The following PHF21B variants were observed in gnomAD, a reference collection of about 807,000 sequenced individuals.
PHF21B encodes the protein PHD finger protein 21B.
A neutral mutation model predicts 62.2 loss-of-function variants in PHF21B; 22 were observed. The observed-to-expected ratio is 0.35, with a 90% CI of 0.25 to 0.51. The LOEUF (loss-of-function observed/expected upper bound fraction) is 0.51. Among genes scored for constraint, PHF21B ranks in the 20% least tolerant of loss-of-function variants. The pLI is 0.97. For synonymous variants in PHF21B, 341 were observed against 314.7 expected (o/e 1.08, Z -0.88); for missense variants, 701 against 707.9 (o/e 0.99, Z 0.11).
chr22:44,932,476 G>T (rs1287120755), intron 2 of PHF21B, among the ~76,000 whole-genome samples: 2 of 152,328 alleles, frequency 1.3e-5, no homozygotes, highest in East Asian at 3.9e-4. Context: ...CACAGTAGCA[G>T]CAAAATCCAA....
chr22:44,904,652 C>T (rs1315606367), intron 5 of PHF21B, among the ~76,000 whole-genome samples: 2 of 134,152 alleles, frequency 1.5e-5, no homozygotes, highest in Non-Finnish European at 1.6e-5. Context: ...GTGTTAGTGT[C>T]GTCAGAGGCA....
At chr22:44,932,910 T>C (rs1354637861) in intron 2 of PHF21B, among the ~76,000 whole-genome samples, 1 of 152,226 alleles carries the variant, frequency 6.6e-6, no homozygotes, top group African/African-American at 2.4e-5. Flanking sequence ...TTGACAAACA[T>C]CTACACCCAA....
At chr22:44,902,689 TA>T (rs1367093916) in intron 5 of PHF21B, among the ~76,000 whole-genome samples, 1 of 152,230 alleles carries the variant, frequency 6.6e-6, no homozygotes, top group Non-Finnish European at 1.5e-5. Context: ...TTTAGCCATG[TA>T]GTTTCCTTCT....
chr22:45,009,362 C>T lies in PHF21B; in HGVS notation c.54+134G>A. On this transcript the variant is annotated intron_variant, in intron 1 of 12. Transcript: ENST00000313237. The surrounding 1 kb of genome is among the most constrained non-coding windows in gnomAD (Gnocchi z 5.9). ...GGGTCCGCGCGTGTGCTCACTCCCT[C>T]GCCCCCCGCCCCCGGGCAGGCTCCA... The T allele has an allele frequency of 2.2e-6, 2 of 924,394 alleles. No homozygotes were observed. Among genetic ancestry groups the T allele is most frequent in the Non-Finnish European group, 1.6e-6 (1 of 642,248 alleles). 57.3% of individuals were successfully genotyped at this position (924,394 alleles called of 1,614,324 possible).
chr22:44,947,051 T>C (rs895092445), intron 2 of PHF21B, among the ~76,000 whole-genome samples: 11 of 138,102 alleles, frequency 8.0e-5, no homozygotes, highest in Admixed American at 4.8e-4. Context: ...ATTCATCCCC[T>C]GTTAAACGTG....
At chr22:44,910,505 TG>T (rs2071326145) in intron 5 of PHF21B, among the ~76,000 whole-genome samples, 1 of 152,142 alleles carries the variant, frequency 6.6e-6, no homozygotes, top group Non-Finnish European at 1.5e-5. Context: ...AATTGAATCA[TG>T]GGGCGGGTCT....
At chr22:44,997,297 C>CT (rs749205473) in intron 2 of PHF21B, among the ~76,000 whole-genome samples, 2 of 152,164 alleles carry the variant, frequency 1.3e-5, no homozygotes, top group African/African-American at 2.4e-5. Flanking sequence ...CCACTTCTGC[C>CT]ACTTCCCATG....
chr22:44,974,899 C>T (rs1431183337), intron 2 of PHF21B, among the ~76,000 whole-genome samples: 1 of 152,140 alleles, frequency 6.6e-6, no homozygotes, highest in Non-Finnish European at 1.5e-5. Context: ...CCACTCAGTA[C>T]CCAATCATTG....
chr22:44,911,924 G>A (rs1601591407), intron 5 of PHF21B, among the ~76,000 whole-genome samples: 1 of 152,242 alleles, frequency 6.6e-6, no homozygotes. Flanking sequence ...CCAGGAGGGA[G>A]GCTATACCCT....
intron 2 of PHF21B, among the ~76,000 whole-genome samples, chr22:44,923,331 CAAAA>C (rs34100382): frequency 4.0e-5 from 5 of 125,102 alleles, no homozygotes; most frequent in Non-Finnish European, 6.9e-5. Flanking sequence ...CATACCATAT[CAAAA>C]AAAAAAAAAA....
In PHF21B at chr22:44,920,458, C is replaced by T. The variant is rs1272637988; in HGVS notation, c.153G>A (p.Thr51=). 1.2e-5 allele frequency: 19 copies of T among 1,613,088 alleles called. No homozygotes were observed. Among genetic ancestry groups the T allele is most frequent in the African/African-American group, 2.7e-5 (2 of 75,010 alleles). ...ALGTITAVPV[T]GPQVSSLQRL... is the part of the protein sequence containing the mutation. Reference sequence around the variant, plus strand: ...TCTGCAAGGAGCTGACCTGAGGACCCGTGACAGGCACTGCAGTGATCGTTC... The same window carrying T: ...TCTGCAAGGAGCTGACCTGAGGACCTGTGACAGGCACTGCAGTGATCGTTC... Residue 51 remains threonine (T), a synonymous_variant, in exon 3 of 13, where the codon ACG becomes ACA. Transcript: ENST00000313237.
chr22:44,985,633 A>C (rs937227945), intron 2 of PHF21B, among the ~76,000 whole-genome samples: 3 of 152,148 alleles, frequency 2.0e-5, no homozygotes, highest in Non-Finnish European at 4.4e-5. Context: ...AAAGAAAAAC[A>C]ACTCTAGTCT....
At chr22:44,889,942 A>G (rs1252804540) in intron 8 of PHF21B, among the ~76,000 whole-genome samples, 160 bp from the exon 9 acceptor site, 1 of 151,226 alleles carries the variant, frequency 6.6e-6, no homozygotes, top group Non-Finnish European at 1.5e-5. Flanking sequence ...ACCCCAGGGC[A>G]TGATGGGAAT....
chr22:44,889,374 C>T (rs998462191), intron 9 of PHF21B, among the ~76,000 whole-genome samples: 3 of 152,134 alleles, frequency 2.0e-5, no homozygotes, highest in Admixed American at 6.5e-5. Context: ...CCTTTTCGGA[C>T]GGGTAACAGA....
chr22:44,955,198 C>T (rs925018624), intron 2 of PHF21B, among the ~76,000 whole-genome samples: 3 of 152,182 alleles, frequency 2.0e-5, no homozygotes, highest in Admixed American at 2.0e-4. Context: ...CACTTGCAGA[C>T]AAGAGCCAGC....
chr22:44,898,179 G>A (rs1218442779), intron 5 of PHF21B, among the ~76,000 whole-genome samples: 2 of 152,158 alleles, frequency 1.3e-5, no homozygotes, highest in African/African-American at 4.8e-5. Context: ...TGGGCTGTGA[G>A]GGTTTCTCAG....
chr22:44,887,427 G>A (rs2070878687), intron 10 of PHF21B, among the ~76,000 whole-genome samples: 2 of 152,034 alleles, frequency 1.3e-5, no homozygotes, highest in Admixed American at 6.5e-5. Flanking sequence ...CACACTTTTT[G>A]TAAAAACCTG....
At chr22:44,884,505 A>G (rs2070814506) in intron 12 of PHF21B, among the ~76,000 whole-genome samples, 1 of 150,834 alleles carries the variant, frequency 6.6e-6, no homozygotes, top group South Asian at 2.1e-4. Context: ...CATCGTCACC[A>G]CCACCACCAT....
At chr22:44,885,634 C>T (rs910855489) in intron 11 of PHF21B, 105 bp from the exon 12 acceptor site, 2 of 1,199,190 alleles carry the variant, frequency 1.7e-6, no homozygotes, top group South Asian at 1.5e-5. Flanking sequence ...CCTAGGACAT[C>T]CCCCTGAAGA....
Sources: gnomAD v4.1 joint callset for allele counts (sites outside exome capture counted in the v4.1 genomes callset) on GRCh38, gnomAD v4.1.1 for gene constraint, Gnocchi (gnomAD v3.1) non-coding constraint, MANE v1.5 for transcripts, NCBI Gene and HGNC (gene_info 2026-07-23, HGNC 2026-07-21) for gene names.